NMNAT2: variants seen among roughly 807,000 people sequenced by gnomAD.
NMNAT2 encodes the protein nicotinamide nucleotide adenylyltransferase 2, also known as nicotinamide/nicotinic acid mononucleotide adenylyltransferase 2.
Under a neutral mutation model 41.6 loss-of-function variants are expected in NMNAT2, and 11 were observed. The ratio of observed to expected loss-of-function variants is 0.26; its 90% CI spans 0.17 to 0.44. The LOEUF (loss-of-function observed/expected upper bound fraction) is 0.44. NMNAT2 is among the 20% of genes least tolerant of loss of function. The pLI is 1.00. For synonymous variants in NMNAT2, 148 were observed against 151.2 expected, an observed-to-expected ratio of 0.98 and a Z score of 0.16; for missense variants, 288 against 407.7, an observed-to-expected ratio of 0.71 and a Z score of 2.53.
At chr1:183,389,462 G>A (rs945007324) in intron 1 of NMNAT2, among the ~76,000 whole-genome samples, 2 of 151,780 alleles carry the variant, frequency 1.3e-5, no homozygotes, top group African/African-American at 4.8e-5. Flanking sequence ...ATAACCTCTC[G>A]CCACCTAGGT....
At chr1:183,370,474 T>G (rs1256522005) in intron 1 of NMNAT2, among the ~76,000 whole-genome samples, 2 of 152,150 alleles carry the variant, frequency 1.3e-5, no homozygotes, top group Admixed American at 6.5e-5. Context: ...AGGCAGAGTG[T>G]CTGACAGACA....
At chr1:183,306,299 A>G (rs765445855) in intron 1 of NMNAT2, among the ~76,000 whole-genome samples, 1 of 152,182 alleles carries the variant, frequency 6.6e-6, no homozygotes, top group South Asian at 2.1e-4. Context: ...AGGAATCCAG[A>G]TAGCCCCTGG....
intron 1 of NMNAT2, among the ~76,000 whole-genome samples, chr1:183,398,132 C>G (rs2101924995): frequency 6.6e-6 from 1 of 152,270 alleles, no homozygotes; most frequent in African/African-American, 2.4e-5. Context: ...GATAAAGAGT[C>G]AAGACCTATC....
intron 1 of NMNAT2, among the ~76,000 whole-genome samples, chr1:183,360,503 G>T (rs1245767597): frequency 6.6e-6 from 1 of 152,096 alleles, no homozygotes; most frequent in Non-Finnish European, 1.5e-5. Context: ...CCATCCACGA[G>T]TCTCCGAGAG....
At chr1:183,390,039 T>A (rs975402642) in intron 1 of NMNAT2, among the ~76,000 whole-genome samples, 1 of 151,952 alleles carries the variant, frequency 6.6e-6, no homozygotes, top group Non-Finnish European at 1.5e-5. Flanking sequence ...TATAGAACAT[T>A]GTTTCTGTGG....
At chr1:183,258,185 A>G (rs1008939784) in intron 10 of NMNAT2, among the ~76,000 whole-genome samples, 2 of 152,154 alleles carry the variant, frequency 1.3e-5, no homozygotes, top group African/African-American at 4.8e-5. Flanking sequence ...GTTTTTTTCC[A>G]GCCTTGGTCT....
intron 10 of NMNAT2, among the ~76,000 whole-genome samples, chr1:183,257,088 G>A (rs1029962926): frequency 5.4e-4 from 82 of 152,174 alleles, no homozygotes; most frequent in African/African-American, 1.9e-3. Context: ...TATCAAAGGC[G>A]ATGCTGGCCT....
At chr1:183,305,733 T>C in intron 1 of NMNAT2, among the ~76,000 whole-genome samples, 1 of 151,104 alleles carries the variant, frequency 6.6e-6, no homozygotes, top group Non-Finnish European at 1.5e-5. Flanking sequence ...TTTTTTTTTT[T>C]TTTAAAGAAA....
intron 1 of NMNAT2, among the ~76,000 whole-genome samples, chr1:183,415,019 T>C (rs1649215840): frequency 1.3e-5 from 2 of 151,786 alleles, no homozygotes; most frequent in Non-Finnish European, 2.9e-5. Context: ...CTGTATTACC[T>C]AGAATAGAGT....
At chr1:183,339,276 T>C (rs1286579363) in intron 1 of NMNAT2, among the ~76,000 whole-genome samples, 5 of 152,084 alleles carry the variant, frequency 3.3e-5, no homozygotes, top group African/African-American at 1.2e-4. Flanking sequence ...TTTTTGTATT[T>C]TTAGTAGAGA....
intron 1 of NMNAT2, among the ~76,000 whole-genome samples, chr1:183,388,604 A>T (rs139856390): frequency 3.3e-5 from 5 of 152,362 alleles, no homozygotes; most frequent in African/African-American, 9.6e-5. Flanking sequence ...GTTTGCAACC[A>T]CTAGTCCTCA....
At chr1:183,411,152 C>G (rs1247297550) in intron 1 of NMNAT2, among the ~76,000 whole-genome samples, 3 of 152,156 alleles carry the variant, frequency 2.0e-5, no homozygotes, top group Non-Finnish European at 2.9e-5. Context: ...TTACCTCATT[C>G]TCACCTCTTT....
chr1:183,281,095 G>T (rs1471065629), intron 7 of NMNAT2, among the ~76,000 whole-genome samples: 2 of 152,088 alleles, frequency 1.3e-5, no homozygotes, highest in African/African-American at 4.8e-5. Context: ...TAGTGTTAGT[G>T]TATTTTATGT....
At position 183,290,071 on chromosome 1, in the gene NMNAT2, C is replaced by G. The variant is rs1661499014; in HGVS notation, c.321+57G>C. The G allele has an allele frequency of 3.5e-6, 5 of 1,408,460 alleles. No homozygotes were observed. The South Asian group carries it at 5.0e-5, about 14-fold the overall frequency. 87.2% of individuals were successfully genotyped at this position (1,408,460 alleles called of 1,614,324 possible). On this transcript the variant is annotated intron_variant, in intron 4 of 10. Coordinates refer to ENST00000287713, the MANE Select transcript of NMNAT2 (RefSeq NM_015039.4). ...CCCTGCCTGGTTTCTGTGGGTCCAG[C>G]CCCTTCCGCCCTTGCACTCTGGTGG...
At chr1:183,271,183 G>GA (rs1461960410) in intron 8 of NMNAT2, among the ~76,000 whole-genome samples, 6 of 152,146 alleles carry the variant, frequency 3.9e-5, no homozygotes, top group African/African-American at 1.2e-4. Flanking sequence ...TTGCTCATTT[G>GA]AAATGCAAAT....
intron 1 of NMNAT2, among the ~76,000 whole-genome samples, chr1:183,396,773 C>G (rs1648663143): frequency 6.6e-6 from 1 of 152,196 alleles, no homozygotes; most frequent in South Asian, 2.1e-4. Flanking sequence ...CACTCCTGCT[C>G]TAAAGATTTT....
chr1:183,352,522 C>T (rs1216182797), intron 1 of NMNAT2, among the ~76,000 whole-genome samples: 1 of 143,870 alleles, frequency 7.0e-6, no homozygotes, highest in African/African-American at 2.6e-5. Context: ...AAGATCACAC[C>T]ACTATACTCT....
intron 1 of NMNAT2, among the ~76,000 whole-genome samples, chr1:183,394,612 T>C (rs1393341760): frequency 6.6e-6 from 1 of 152,164 alleles, no homozygotes; most frequent in Non-Finnish European, 1.5e-5. Context: ...CCATGGTTCT[T>C]TTGCCAGCAC....
chr1:183,368,378 A>T (rs531945286), intron 1 of NMNAT2, among the ~76,000 whole-genome samples: 70 of 152,200 alleles, frequency 4.6e-4, no homozygotes, highest in African/African-American at 1.6e-3. Flanking sequence ...AAGGACAGAG[A>T]AGTCTTTTCT....
Sources: gnomAD v4.1 joint callset for allele counts (sites outside exome capture counted in the v4.1 genomes callset) on GRCh38, gnomAD v4.1.1 for gene constraint, MANE v1.5 for transcripts, NCBI Gene and HGNC (gene_info 2026-07-23, HGNC 2026-07-21) for gene names.